Variants in FNBP1L observed in about 807,000 individuals in gnomAD.
FNBP1L encodes formin-binding protein 1-like.
FNBP1L carries 36 observed loss-of-function variants against 91.2 expected under a neutral mutation model. That is an observed-to-expected ratio of 0.39 (90% CI 0.30 to 0.52). The LOEUF is 0.52. FNBP1L is among the 20% of genes least tolerant of loss of function. FNBP1L has a pLI of 0.66. For synonymous variants in FNBP1L, 242 were observed against 237.0 expected (o/e 1.02, Z -0.19); for missense variants, 571 against 732.1 (o/e 0.78, Z 2.54).
At chr1:93,465,955 T>C (rs1344152035) in intron 1 of FNBP1L, among the ~76,000 whole-genome samples, 1 of 152,232 alleles carries the variant, frequency 6.6e-6, no homozygotes, top group Non-Finnish European at 1.5e-5. Flanking sequence ...TGATGACCAG[T>C]GATGATGAGC....
At chr1:93,543,792 T>C (rs1672125044) in intron 11 of FNBP1L, 1 of 174,316 alleles carries the variant, frequency 5.7e-6, no homozygotes, top group South Asian at 1.6e-4. Flanking sequence ...GTATTCATTA[T>C]AACTCTGCCA....
intron 1 of FNBP1L, among the ~76,000 whole-genome samples, chr1:93,495,492 G>A (rs1473470383): frequency 6.6e-6 from 1 of 152,136 alleles, no homozygotes; most frequent in Non-Finnish European, 1.5e-5. Flanking sequence ...AAAGCAGGAA[G>A]TCCACAGAAT....
rs114257714 is a variant in FNBP1L at position 93,487,098 on chromosome 1, A to G, written c.25-12370A>G. Among the ~76,000 whole-genome samples the G allele has an allele frequency of 1.3e-3, 191 of 152,316 alleles. 2 individuals are homozygous for G. The highest frequency in any genetic ancestry group is 8.9e-3 in the South Asian group (43 of 4,822). Reference sequence around the variant, plus strand: ...AACAGAACTGCTCTTAAGACAGTCAATGATCTGCATGTTGCTAAAGTGGTC... The same window carrying G: ...AACAGAACTGCTCTTAAGACAGTCAGTGATCTGCATGTTGCTAAAGTGGTC... On this transcript the variant is annotated intron_variant, in intron 1 of 16. Coordinates refer to ENST00000271234, the MANE Select transcript of FNBP1L (RefSeq NM_001164473.3).
intron 1 of FNBP1L, among the ~76,000 whole-genome samples, chr1:93,471,587 G>T (rs1028731577): frequency 2.0e-5 from 3 of 152,150 alleles, no homozygotes; most frequent in African/African-American, 7.2e-5. Flanking sequence ...CGCTACTCGG[G>T]AGCCTAAGGT....
chr1:93,509,677 T>G (rs1196102548), intron 2 of FNBP1L, among the ~76,000 whole-genome samples: 1 of 152,180 alleles, frequency 6.6e-6, no homozygotes, highest in African/African-American at 2.4e-5. Flanking sequence ...GACAGGTGAT[T>G]TCTGCATTTC....
intron 5 of FNBP1L, among the ~76,000 whole-genome samples, chr1:93,524,643 G>A (rs1570845122): frequency 6.9e-6 from 1 of 144,510 alleles, no homozygotes; most frequent in Non-Finnish European, 1.5e-5. Context: ...GAGGATAGAA[G>A]TAAGAGGGAA....
At chr1:93,538,266 T>A (rs1304315209) in intron 10 of FNBP1L, among the ~76,000 whole-genome samples, 1 of 152,054 alleles carries the variant, frequency 6.6e-6, no homozygotes, top group Non-Finnish European at 1.5e-5. Context: ...CTTATTTTTT[T>A]TTTTTTTGAA....
intron 1 of FNBP1L, among the ~76,000 whole-genome samples, chr1:93,465,804 A>G (rs1017616695): frequency 1.2e-4 from 18 of 152,164 alleles, no homozygotes; most frequent in Non-Finnish European, 2.9e-5. Context: ...AGTTGAACTA[A>G]TTTACAGTCC....
At chr1:93,544,822 T>C (rs778912930) in intron 12 of FNBP1L, among the ~76,000 whole-genome samples, 3 of 152,108 alleles carry the variant, frequency 2.0e-5, no homozygotes, top group Non-Finnish European at 4.4e-5. Flanking sequence ...TAAGAATTAG[T>C]GTATCAGGTG....
At chr1:93,526,729 T>A (rs987304911) in intron 5 of FNBP1L, among the ~76,000 whole-genome samples, 1 of 152,078 alleles carries the variant, frequency 6.6e-6, no homozygotes, top group Non-Finnish European at 1.5e-5. Context: ...TTTTCTGGAG[T>A]ATATTTCTGT....
chr1:93,499,513 T>G lies in FNBP1L; in HGVS notation c.70T>G (p.Phe24Val), dbSNP rs769246282. Residue 24 changes from phenylalanine to valine, a missense_variant, in exon 2 of 17, where the codon TTC becomes GTC. By Grantham distance (50) the Phe-to-Val change is conservative. Coordinates refer to ENST00000271234, the MANE Select transcript of FNBP1L (RefSeq NM_001164473.3). ...LDKHTQWGID[F>V]LERYAKFVKE... The stretch of plus-strand genomic sequence containing the variant: ...CAAGCATACACAATGGGGAATTGAC[T>G]TCTTGGAAAGATATGCCAAATTTGT... The G allele has an allele frequency of 6.2e-7, 1 of 1,606,726 alleles. No individual in the cohort carries two copies. Among genetic ancestry groups the G allele is most frequent in the Non-Finnish European group, 8.5e-7 (1 of 1,176,754 alleles).
intron 1 of FNBP1L, among the ~76,000 whole-genome samples, chr1:93,454,657 C>T (rs1668599375): frequency 6.6e-6 from 1 of 151,960 alleles, no homozygotes; most frequent in Non-Finnish European, 1.5e-5. Context: ...TTATCTGTGA[C>T]TGTATACTGT....
intron 2 of FNBP1L, among the ~76,000 whole-genome samples, chr1:93,512,380 A>G (rs1172798200): frequency 6.6e-6 from 1 of 151,612 alleles, no homozygotes; most frequent in Admixed American, 6.6e-5. Flanking sequence ...GAAAGTCAAC[A>G]AGGATACCCA....
Position 93,551,753 on chromosome 1 carries a change from G to A in FNBP1L, c.1810+648G>A, listed in dbSNP as rs1183120981. 12 of 984,968 alleles carry A rather than the reference G, an allele frequency of 1.2e-5. No homozygotes were observed. In the African/African-American group the frequency reaches 1.9e-4, roughly 16 times the overall value. The allele number at this position is 984,968 out of a possible 1,614,324, so 61.0% of individuals were successfully genotyped here. ...AATAAATCTCCTGGTCTAGCTCTTA[G>A]GTGAATAAAATAGATTTTGTTTGAG... On this transcript the variant is annotated intron_variant, in intron 16 of 16. Transcript: ENST00000271234.
intron 2 of FNBP1L, among the ~76,000 whole-genome samples, chr1:93,515,919 AT>A (rs1307654424): frequency 6.6e-6 from 1 of 152,160 alleles, no homozygotes; most frequent in African/African-American, 2.4e-5. Context: ...TATAATAATA[AT>A]AATAAAAAGA....
intron 12 of FNBP1L, among the ~76,000 whole-genome samples, chr1:93,544,991 A>G (rs1284473432): frequency 1.8e-4 from 27 of 152,172 alleles, no homozygotes. Context: ...CACTGGTCAC[A>G]ATGTTTCAGT....
chr1:93,525,683 G>A (rs531696508), intron 5 of FNBP1L, among the ~76,000 whole-genome samples: 2 of 152,182 alleles, frequency 1.3e-5, no homozygotes, highest in East Asian at 3.9e-4. Flanking sequence ...CCGTTGTTAA[G>A]CAAAAGTTTT....
At position 93,537,668 on chromosome 1, in the gene FNBP1L, A is replaced by G. The variant is rs568503097; in HGVS notation, c.1149+1178A>G. Among the ~76,000 whole-genome samples the G allele has an allele frequency of 8.5e-5, 13 of 152,238 alleles. No homozygotes were observed. The South Asian group carries it at 1.0e-3, about 12-fold the overall frequency. ...ATGTGGATGGTAGGTAATTGATGAC[A>G]TTTTGAAAAGTCCCCATGGATGAGT... On this transcript the variant is annotated intron_variant, in intron 10 of 16. Coordinates refer to ENST00000271234, the MANE Select transcript of FNBP1L (RefSeq NM_001164473.3).
intron 1 of FNBP1L, among the ~76,000 whole-genome samples, chr1:93,491,823 T>C (rs1464480600): frequency 6.6e-6 from 1 of 152,252 alleles, no homozygotes; most frequent in Non-Finnish European, 1.5e-5. Context: ...ACTTGTACAG[T>C]TCTATTTTGA....
Sources: allele counts gnomAD v4.1 joint callset (sites outside exome capture counted in the v4.1 genomes callset), GRCh38; gene constraint gnomAD v4.1.1; transcripts MANE v1.5; gene names NCBI Gene and HGNC (gene_info 2026-07-23, HGNC 2026-07-21).